Variants in THOC7 observed in about 807,000 individuals in gnomAD.
THOC7 encodes THO complex subunit 7.
THOC7 carries 22 observed loss-of-function variants against 33.1 expected under a neutral mutation model. The ratio of observed to expected loss-of-function variants is 0.66; its 90% confidence interval spans 0.47 to 0.95. THOC7 has a LOEUF of 0.95. THOC7 is among the 40% of genes least tolerant of loss of function. The probability of loss-of-function intolerance (pLI) is 0.00; values close to 1 mark genes in which losing one functional copy is unlikely to be tolerated. For synonymous variants in THOC7, 77 were observed against 76.8 expected (o/e 1.00, Z -0.01); for missense variants, 184 against 245.3 (o/e 0.75, Z 1.67).
rs1168659167 is a variant in THOC7, at chr3:63,837,903, C to T, written c.352+73G>A. 8.8e-6 allele frequency: 12 copies of T among 1,370,802 alleles called. No homozygotes were observed. The South Asian group carries it at 1.4e-4, about 16-fold the overall frequency. The allele number at this position is 1,370,802 out of a possible 1,614,324, so 84.9% of individuals were successfully genotyped here. ...GATTCAGGCTGCAGATTTTACCTCA[C>T]AACATTAAAAACTGCATGAAAACTG... On this transcript the variant is annotated intron_variant, in intron 4 of 7. Transcript: ENST00000295899.
chr3:63,839,391 C>T (rs1377947562), intron 2 of THOC7, among the ~76,000 whole-genome samples: 1 of 152,108 alleles, frequency 6.6e-6, no homozygotes, highest in African/African-American at 2.4e-5. Flanking sequence ...TTACTAAACA[C>T]TTATGTCCTA....
chr3:63,844,442 CCAACA>C (rs1250089341), intron 1 of THOC7, among the ~76,000 whole-genome samples: 3 of 152,064 alleles, frequency 2.0e-5, no homozygotes, highest in Non-Finnish European at 4.4e-5. Flanking sequence ...TATATATACT[CCAACA>C]CATCATACTG....
At chr3:63,841,173 T>C (rs1197004597) in intron 1 of THOC7, among the ~76,000 whole-genome samples, 3 of 152,142 alleles carry the variant, frequency 2.0e-5, no homozygotes, top group African/African-American at 7.2e-5. Context: ...GAAAAGCATA[T>C]ACAATATGTT....
rs147894678 is a variant in THOC7, at chr3:63,843,693, G to A, written c.20-3920C>T. Among the ~76,000 whole-genome samples the A allele has an allele frequency of 8.4e-3, 1,281 of 152,222 alleles. 19 individuals carry two copies. The highest frequency in any genetic ancestry group is 0.027 in the African/African-American group (1,125 of 41,556). ...AGGTGGGCGCATCACGAGGTCAGGAGATCGAGACCATCCTGGCTAACACAG... is the reference window on the plus strand; with the variant it reads ...AGGTGGGCGCATCACGAGGTCAGGAAATCGAGACCATCCTGGCTAACACAG... On this transcript the variant is annotated intron_variant, in intron 1 of 7. Coordinates refer to ENST00000295899, the MANE Select transcript of THOC7 (RefSeq NM_025075.4).
chr3:63,854,815 C>A (rs898051121), intron 1 of THOC7: 9 of 152,012 alleles, frequency 5.9e-5, no homozygotes, highest in African/African-American at 1.7e-4. Flanking sequence ...GAGACCATCC[C>A]GGCTAAAACG....
At position 63,846,177 on chromosome 3, in the gene THOC7, A is replaced by G. The variant is rs1364828095; in HGVS notation, c.20-6404T>C. 3 of 449,162 alleles carry G rather than the reference A, an allele frequency of 6.7e-6. No homozygotes were observed. The Admixed American group carries it at 7.2e-5, about 11-fold the overall frequency. 27.8% of individuals were successfully genotyped at this position (449,162 alleles called of 1,614,324 possible). ...TTTGCCTGAATATTTACAATCTACTACTAAATATTCAGTCTGCTTTGTCTG... is the reference window on the plus strand; with the variant it reads ...TTTGCCTGAATATTTACAATCTACTGCTAAATATTCAGTCTGCTTTGTCTG... On this transcript the variant is annotated intron_variant, in intron 1 of 7. Transcript: ENST00000295899.
intron 1 of THOC7, chr3:63,860,552 G>T (rs976316195): frequency 1.3e-5 from 2 of 152,234 alleles, no homozygotes; most frequent in South Asian, 4.1e-4. Context: ...GGGCATCTAA[G>T]ATTGCCTTCT....
At chr3:63,863,703 G>A in intron 1 of THOC7, 69 bp downstream of exon 1, 1 of 1,245,622 alleles carries the variant, frequency 8.0e-7, no homozygotes, top group Middle Eastern at 3.1e-4. Flanking sequence ...CGGGCCGGGA[G>A]GCCAGGGGTC....
intron 1 of THOC7, among the ~76,000 whole-genome samples, chr3:63,850,475 A>G (rs550973244): frequency 1.3e-5 from 2 of 151,792 alleles, no homozygotes; most frequent in Non-Finnish European, 2.9e-5. Flanking sequence ...TGCTGGGATT[A>G]CAAGCGTGAG....
chr3:63,846,087 G>A, intron 1 of THOC7: 1 of 302,960 alleles, frequency 3.3e-6, no homozygotes, highest in Non-Finnish European at 6.8e-6. Flanking sequence ...AGCTGGAAAT[G>A]GAAGATATTC....
intron 1 of THOC7, among the ~76,000 whole-genome samples, chr3:63,853,256 G>A (rs555029608): frequency 6.6e-6 from 1 of 152,028 alleles, no homozygotes; most frequent in East Asian, 1.9e-4. Flanking sequence ...GCCAACATTG[G>A]GGTGGCACAA....
intron 1 of THOC7, among the ~76,000 whole-genome samples, chr3:63,861,235 G>A (rs1036465657): frequency 6.6e-6 from 1 of 152,166 alleles, no homozygotes; most frequent in South Asian, 2.1e-4. Context: ...AAGGATGTGG[G>A]GGGGCACTTG....
At chr3:63,854,364 TTTTG>T (rs1456719792) in intron 1 of THOC7, among the ~76,000 whole-genome samples, 1 of 152,136 alleles carries the variant, frequency 6.6e-6, no homozygotes, top group Non-Finnish European at 1.5e-5. Context: ...TTAAAATATG[TTTTG>T]TTTACTATAC....
intron 1 of THOC7, among the ~76,000 whole-genome samples, chr3:63,849,706 A>T (rs1701983029): frequency 6.6e-6 from 1 of 152,172 alleles, no homozygotes; most frequent in Non-Finnish European, 1.5e-5. Flanking sequence ...AAATTACGTT[A>T]AAAAAAGTTA....
chr3:63,858,578 C>A (rs959921976), intron 1 of THOC7, among the ~76,000 whole-genome samples: 2 of 152,116 alleles, frequency 1.3e-5, no homozygotes, highest in Admixed American at 6.6e-5. Context: ...CAATATATCA[C>A]CTAATGTTCT....
At chr3:63,854,685 C>G (rs1218230248) in intron 1 of THOC7, 1 of 152,094 alleles carries the variant, frequency 6.6e-6, no homozygotes, top group Non-Finnish European at 1.5e-5. Flanking sequence ...CATCTAGCTC[C>G]TGGAAAGACT....
chr3:63,835,385 A>G lies in THOC7; in HGVS notation c.416T>C (p.Leu139Pro), dbSNP rs1181262976. ...CTCTAATTCTTTTCCCAGAGCCTCT[A>G]GTTCCCTGGAAATAATAAAACAGTG... ...HPDRHETLKE[L>P]EALGKELEHL... Residue 139 changes from leucine (L) to proline (P), a missense_variant, in exon 6 of 8, where the codon CTA becomes CCA. Leu to Pro is a moderately conservative substitution (Grantham distance 98, BLOSUM62 -3). Around this residue, in one of 3 missense-constraint regions of THOC7, gnomAD observed 157 missense variants for 201.3 expected, o/e 0.78. Transcript: ENST00000295899. 7.4e-6 allele frequency: 12 copies of G among 1,613,154 alleles called. No homozygotes were observed. Among genetic ancestry groups the G allele is most frequent in the African/African-American group, 1.3e-5 (1 of 74,900 alleles).
intron 1 of THOC7, among the ~76,000 whole-genome samples, chr3:63,851,870 C>T (rs1389882373): frequency 6.6e-6 from 1 of 152,118 alleles, no homozygotes; most frequent in African/African-American, 2.4e-5. Context: ...GAGAATAAAG[C>T]CAATTGAGAT....
At chr3:63,841,819 TTTTAAG>T (rs1234949209) in intron 1 of THOC7, among the ~76,000 whole-genome samples, 1 of 152,186 alleles carries the variant, frequency 6.6e-6, no homozygotes, top group Non-Finnish European at 1.5e-5. Flanking sequence ...ACTACAAATG[TTTTAAG>T]TTTATTAAAA....
Sources: gnomAD v4.1 joint callset for allele counts (sites outside exome capture counted in the v4.1 genomes callset) on GRCh38, gnomAD v4.1.1 for gene constraint, gnomAD v4.1.1 regional missense constraint, MANE v1.5 for transcripts, NCBI Gene and HGNC (gene_info 2026-07-23, HGNC 2026-07-21) for gene names.